The following CLSTN2 variants were observed in gnomAD, a reference collection of about 807,000 sequenced individuals.
The protein encoded by CLSTN2 is calsyntenin 2.
In CLSTN2, 48 loss-of-function variants were observed where a neutral mutation model predicts 101.2. That is an observed-to-expected ratio of 0.47 (90% CI 0.38 to 0.60). The LOEUF (loss-of-function observed/expected upper bound fraction) is 0.60, where lower values mean the gene tolerates loss of function less well. CLSTN2 is among the 20% of genes least tolerant of loss of function. The pLI, the probability that CLSTN2 is intolerant of heterozygous loss-of-function variation, is 0.00. For synonymous variants in CLSTN2, 481 were observed against 463.6 expected (o/e 1.04, Z -0.48); for missense variants, 1,160 against 1,238.2 (o/e 0.94, Z 0.95).
intron 4 of CLSTN2, among the ~76,000 whole-genome samples, chr3:140,406,337 G>A (rs2088301485): frequency 6.6e-6 from 1 of 152,120 alleles, no homozygotes; most frequent in African/African-American, 2.4e-5. Flanking sequence ...AGTCTTGGAA[G>A]ACAGAACTAA....
chr3:140,259,999 T>G (rs1439165709), intron 2 of CLSTN2, among the ~76,000 whole-genome samples: 1 of 151,922 alleles, frequency 6.6e-6, no homozygotes, highest in African/African-American at 2.4e-5. Flanking sequence ...GGATGAGGGT[T>G]GAAAAACTTT....
At chr3:140,051,901 A>G (rs2008003324) in intron 1 of CLSTN2, among the ~76,000 whole-genome samples, 1 of 152,218 alleles carries the variant, frequency 6.6e-6, no homozygotes, top group Non-Finnish European at 1.5e-5. Flanking sequence ...ACAGTTGCTG[A>G]TGCAGGTGAT....
chr3:140,342,177 G>C (rs1318636547), intron 2 of CLSTN2, among the ~76,000 whole-genome samples: 1 of 152,030 alleles, frequency 6.6e-6, no homozygotes, highest in African/African-American at 2.4e-5. Flanking sequence ...TCTCAACCTC[G>C]AACTATTGAC....
intron 8 of CLSTN2, among the ~76,000 whole-genome samples, chr3:140,499,953 G>C (rs1934543657): frequency 6.6e-6 from 1 of 152,104 alleles, no homozygotes; most frequent in East Asian, 1.9e-4. Context: ...CGTAGTCCCA[G>C]CTACTCAGAA....
chr3:140,360,999 G>T (rs924798874), intron 2 of CLSTN2, among the ~76,000 whole-genome samples: 1 of 152,138 alleles, frequency 6.6e-6, no homozygotes, highest in Non-Finnish European at 1.5e-5. Flanking sequence ...ATACTTGTTG[G>T]TTTTTTCTGT....
At chr3:140,187,933 G>A (rs1469555193) in intron 2 of CLSTN2, among the ~76,000 whole-genome samples, 1 of 152,044 alleles carries the variant, frequency 6.6e-6, no homozygotes, top group Non-Finnish European at 1.5e-5. Context: ...CCCCACCCAG[G>A]ACTTGATATC....
rs983034481 is a variant in CLSTN2 at position 140,576,431 on chromosome 3, A to G, written c.*10178A>G. ...ACCTCCAGGCATGATTTTGTAACCA[A>G]TGTAAAGGTTCTGGGTTCAGCCAGT... On this transcript the variant is annotated 3_prime_UTR_variant, in exon 17 of 17. Transcript: ENST00000458420. 6.6e-6 allele frequency: 1 copy of G among 152,218 alleles called. No individual in the cohort carries two copies. The highest frequency in any genetic ancestry group is 1.5e-5 in the Non-Finnish European group (1 of 68,042). 9.4% of individuals were successfully genotyped at this position (152,218 alleles called of 1,614,324 possible).
At chr3:139,999,037 T>C (rs1402596459) in intron 1 of CLSTN2, among the ~76,000 whole-genome samples, 2 of 151,340 alleles carry the variant, frequency 1.3e-5, no homozygotes, top group Non-Finnish European at 2.9e-5. Context: ...TATGTTTGCC[T>C]GTCCCCGTGA....
intron 5 of CLSTN2, among the ~76,000 whole-genome samples, chr3:140,428,687 G>A (rs375220205): frequency 2.0e-4 from 31 of 152,232 alleles, no homozygotes; most frequent in South Asian, 8.3e-4. Flanking sequence ...AACTGATTTC[G>A]GTTCCTTTTA....
chr3:140,161,516 A>C (rs997693471), intron 1 of CLSTN2, among the ~76,000 whole-genome samples: 3 of 152,218 alleles, frequency 2.0e-5, no homozygotes, highest in Admixed American at 6.5e-5. Flanking sequence ...TATCACAAAA[A>C]TTGATGTGCT....
chr3:140,072,882 C>T (rs563539257), intron 1 of CLSTN2, among the ~76,000 whole-genome samples: 51 of 152,296 alleles, frequency 3.3e-4, no homozygotes, highest in African/African-American at 1.2e-3. Context: ...TGAACTGATG[C>T]GTGTTACCAA....
intron 10 of CLSTN2, among the ~76,000 whole-genome samples, chr3:140,551,702 C>T (rs74719016): frequency 0.012 from 1,810 of 151,998 alleles, 31 homozygotes; most frequent in African/African-American, 0.039. Context: ...GGGCAAGACA[C>T]GTTAATCCTT....
chr3:140,526,129 G>A lies in CLSTN2; in HGVS notation c.1345-6195G>A, dbSNP rs143778527. On this transcript the variant is annotated intron_variant, in intron 8 of 16. Transcript: ENST00000458420. ...ATGCATCCAAATAGAAAAAGAAGTC[G>A]TCAAACCATCTCTCTTTTCAAATGA... Among the ~76,000 whole-genome samples, 34 of 152,082 alleles carry A rather than the reference G, an allele frequency of 2.2e-4. 1 individual carries two copies. Among genetic ancestry groups the A allele is most frequent in the Admixed American group, 8.5e-4 (13 of 15,276 alleles).
At chr3:140,367,331 G>T (rs2107954397) in intron 2 of CLSTN2, among the ~76,000 whole-genome samples, 1 of 152,058 alleles carries the variant, frequency 6.6e-6, no homozygotes, top group East Asian at 1.9e-4. Flanking sequence ...TGGCCAGTAT[G>T]GTGTAACCTC....
Position 140,567,898 on chromosome 3 carries a change from T to A in CLSTN2, c.*1645T>A, listed in dbSNP as rs535609765. ...CTGACCTCCACCCAGGGAGGACCCA[T>A]GGCAGGTCTTTTCAACTTTCTGATT... On this transcript the variant is annotated 3_prime_UTR_variant, in exon 17 of 17. Coordinates refer to ENST00000458420, the MANE Select transcript of CLSTN2 (RefSeq NM_022131.3). 1 of 152,264 alleles carries A rather than the reference T, an allele frequency of 6.6e-6. No individual in the cohort carries two copies. Among genetic ancestry groups the A allele is most frequent in the Admixed American group, 6.5e-5 (1 of 15,292 alleles). 9.4% of individuals were successfully genotyped at this position (152,264 alleles called of 1,614,324 possible).
chr3:140,305,077 C>G (rs1285449842), intron 2 of CLSTN2, among the ~76,000 whole-genome samples: 1 of 151,608 alleles, frequency 6.6e-6, no homozygotes, highest in South Asian at 2.1e-4. Context: ...CTCTCTGTCT[C>G]TCTTTCTCTC....
chr3:140,162,823 A>G (rs544761132), intron 1 of CLSTN2, among the ~76,000 whole-genome samples: 32 of 152,340 alleles, frequency 2.1e-4, no homozygotes, highest in African/African-American at 6.3e-4. Flanking sequence ...GATAATTGTC[A>G]TCCATCGTTC....
chr3:140,382,121 T>C (rs1336259345), intron 2 of CLSTN2, among the ~76,000 whole-genome samples: 2 of 152,238 alleles, frequency 1.3e-5, no homozygotes, highest in Non-Finnish European at 2.9e-5. Context: ...GCCTAATTTC[T>C]TATTATTTTT....
chr3:140,009,947 AT>A (rs2107750791), intron 1 of CLSTN2, among the ~76,000 whole-genome samples: 1 of 152,180 alleles, frequency 6.6e-6, no homozygotes, highest in Non-Finnish European at 1.5e-5. Flanking sequence ...CTCACATTTG[AT>A]TGTCCTTCAG....
Sources: gnomAD v4.1 joint callset for allele counts (sites outside exome capture counted in the v4.1 genomes callset) on GRCh38, gnomAD v4.1.1 for gene constraint, MANE v1.5 for transcripts, NCBI Gene and HGNC (gene_info 2026-07-23, HGNC 2026-07-21) for gene names.